EHBP1: variants seen among roughly 807,000 people sequenced by gnomAD.
EHBP1 encodes EH domain-binding protein 1.
A neutral mutation model predicts 144.0 loss-of-function variants in EHBP1; 55 were observed. The ratio of observed to expected loss-of-function variants is 0.38; its 90% confidence interval spans 0.31 to 0.48. EHBP1 has a LOEUF of 0.48. Ranked by LOEUF, EHBP1 falls within the 20% of genes least tolerant of loss-of-function variation. The pLI, the probability that EHBP1 is intolerant of heterozygous loss-of-function variation, is 0.98. For synonymous variants in EHBP1, 469 were observed against 472.7 expected, an observed-to-expected ratio of 0.99 and a Z score of 0.10; for missense variants, 1,200 against 1,364.2, an observed-to-expected ratio of 0.88 and a Z score of 1.90.
chr2:62,767,589 C>A (rs1426993185), intron 4 of EHBP1, among the ~76,000 whole-genome samples: 1 of 151,768 alleles, frequency 6.6e-6, no homozygotes, highest in Non-Finnish European at 1.5e-5. Flanking sequence ...AATCCCAGCA[C>A]TGTGGGAGGT....
intron 1 of EHBP1, among the ~76,000 whole-genome samples, chr2:62,675,157 G>A (rs2033238231): frequency 6.6e-6 from 1 of 152,186 alleles, no homozygotes; most frequent in Non-Finnish European, 1.5e-5. Flanking sequence ...TCAGATAACT[G>A]TGGCCTCAGG....
chr2:62,796,505 A>G (rs2043546299), intron 5 of EHBP1, among the ~76,000 whole-genome samples: 1 of 152,196 alleles, frequency 6.6e-6, no homozygotes, highest in Non-Finnish European at 1.5e-5. Flanking sequence ...ATACATGGAT[A>G]CTTTTTAAGA....
At chr2:62,963,576 G>A (rs1449642693) in intron 14 of EHBP1, among the ~76,000 whole-genome samples, 1 of 152,074 alleles carries the variant, frequency 6.6e-6, no homozygotes, top group Non-Finnish European at 1.5e-5. Flanking sequence ...AGGAATCAAA[G>A]CTTTAAAATT....
At chr2:62,918,224 C>T (rs188418845) in intron 10 of EHBP1, among the ~76,000 whole-genome samples, 1 of 151,954 alleles carries the variant, frequency 6.6e-6, no homozygotes, top group Non-Finnish European at 1.5e-5. Flanking sequence ...CTGCCTATAT[C>T]ATAATCATTA....
intron 5 of EHBP1, among the ~76,000 whole-genome samples, chr2:62,804,380 A>G (rs2044281683): frequency 6.6e-6 from 1 of 152,254 alleles, no homozygotes; most frequent in South Asian, 2.1e-4. Flanking sequence ...TGTTCAGTAA[A>G]TGGTACTGGG....
chr2:62,808,833 TG>T (rs961657644), intron 5 of EHBP1, among the ~76,000 whole-genome samples: 1 of 152,212 alleles, frequency 6.6e-6, no homozygotes, highest in African/African-American at 2.4e-5. Flanking sequence ...CTCTGTGTTA[TG>T]AACTTCGTAA....
At chr2:62,780,615 T>C (rs926813847) in intron 5 of EHBP1, among the ~76,000 whole-genome samples, 6 of 152,188 alleles carry the variant, frequency 3.9e-5, no homozygotes, top group Non-Finnish European at 8.8e-5. Context: ...ATGGAGAAAC[T>C]TTTGTTGCAC....
At chr2:62,956,736 A>C (rs1416144104) in intron 14 of EHBP1, among the ~76,000 whole-genome samples, 1 of 151,954 alleles carries the variant, frequency 6.6e-6, no homozygotes, top group East Asian at 1.9e-4. Flanking sequence ...GGCAAAAAAC[A>C]ACCATCTTAT....
intron 10 of EHBP1, among the ~76,000 whole-genome samples, chr2:62,905,644 G>A (rs904382033): frequency 3.3e-5 from 5 of 152,022 alleles, no homozygotes; most frequent in Non-Finnish European, 7.4e-5. Context: ...GGGCAACATG[G>A]TGAAACCCCA....
chr2:62,944,529 A>G (rs539525633), intron 12 of EHBP1, among the ~76,000 whole-genome samples: 4 of 152,222 alleles, frequency 2.6e-5, no homozygotes, highest in Non-Finnish European at 5.9e-5. Context: ...AGGTTTGTGT[A>G]AGTACCCACT....
rs760982227 is a variant in EHBP1 at position 62,706,923 on chromosome 2, C to T, written c.-269C>T. 187 of 377,214 alleles carry T rather than the reference C, an allele frequency of 5.0e-4. No homozygotes were observed. Among genetic ancestry groups the T allele is most frequent in the Non-Finnish European group, 7.9e-4 (161 of 203,670 alleles). The allele number at this position is 377,214 out of a possible 1,614,324, so 23.4% of individuals were successfully genotyped here. ...CCTCCAGAATACCCATCATATAGCC[C>T]CTGAGGTGGCATGGTGATGTCTCCA... is the stretch of plus-strand genomic sequence containing the variant. On this transcript the variant is annotated 5_prime_UTR_variant, in exon 2 of 23. Coordinates refer to ENST00000431489, the MANE Select transcript of EHBP1 (RefSeq NM_001142616.3).
At chr2:62,972,211 A>G (rs1476562184) in intron 14 of EHBP1, among the ~76,000 whole-genome samples, 6 of 152,322 alleles carry the variant, frequency 3.9e-5, no homozygotes, top group Non-Finnish European at 1.5e-5. Context: ...AGCAGATACC[A>G]AAACCACATT....
chr2:62,742,593 T>C (rs1488318337), intron 2 of EHBP1, among the ~76,000 whole-genome samples: 1 of 152,074 alleles, frequency 6.6e-6, no homozygotes, highest in Non-Finnish European at 1.5e-5. Context: ...GAATGTCATA[T>C]TGACTTTGAA....
At chr2:63,042,024 G>A (rs547057589) in intron 21 of EHBP1, among the ~76,000 whole-genome samples, 10 of 152,132 alleles carry the variant, frequency 6.6e-5, no homozygotes, top group Non-Finnish European at 1.0e-4. Flanking sequence ...GCTCAGTGCA[G>A]ATGGACATAA....
At chr2:62,760,233 G>A (rs2040656548) in intron 3 of EHBP1, among the ~76,000 whole-genome samples, 1 of 152,122 alleles carries the variant, frequency 6.6e-6, no homozygotes, top group Non-Finnish European at 1.5e-5. Context: ...TTAGCTAAAC[G>A]ATAGAAAGCT....
At chr2:62,922,739 T>C (rs920548374) in intron 10 of EHBP1, among the ~76,000 whole-genome samples, 1 of 152,098 alleles carries the variant, frequency 6.6e-6, no homozygotes, top group African/African-American at 2.4e-5. Context: ...GAAACACCTA[T>C]GGTGATAGGA....
chr2:62,697,064 A>C (rs182903111), intron 1 of EHBP1, among the ~76,000 whole-genome samples: 5 of 152,308 alleles, frequency 3.3e-5, no homozygotes, highest in African/African-American at 1.2e-4. Context: ...CACTCTTGAA[A>C]GTTGCATGTG....
intron 6 of EHBP1, among the ~76,000 whole-genome samples, chr2:62,830,556 G>A (rs1234124068): frequency 6.6e-6 from 1 of 152,038 alleles, no homozygotes; most frequent in East Asian, 1.9e-4. Context: ...GTCCTTTGTT[G>A]GATGCATAGT....
chr2:62,779,000 A>G (rs941955382), intron 5 of EHBP1, among the ~76,000 whole-genome samples: 1 of 152,194 alleles, frequency 6.6e-6, no homozygotes, highest in Non-Finnish European at 1.5e-5. Context: ...TTCAGCCCCA[A>G]GCATTTCAAG....
Sources: gnomAD v4.1 joint callset for allele counts (sites outside exome capture counted in the v4.1 genomes callset) on GRCh38, gnomAD v4.1.1 for gene constraint, MANE v1.5 for transcripts, NCBI Gene and HGNC (gene_info 2026-07-23, HGNC 2026-07-21) for gene names.